The following CDH12 variants were observed in gnomAD, a reference collection of about 807,000 sequenced individuals.
CDH12 encodes cadherin-12.
CDH12 carries 41 observed loss-of-function variants against 74.1 expected under a neutral mutation model. The observed-to-expected ratio is 0.55, with a 90% CI of 0.43 to 0.72. The LOEUF (loss-of-function observed/expected upper bound fraction) is 0.72. Ranked by LOEUF, CDH12 falls within the 30% of genes least tolerant of loss-of-function variation. The pLI is 0.00. For missense variants in CDH12, 945 were observed against 977.2 expected (o/e 0.97, Z 0.44); for synonymous variants, 399 against 355.0 (o/e 1.12, Z -1.39).
intron 1 of CDH12, among the ~76,000 whole-genome samples, chr5:22,526,893 T>A (rs1737310936): frequency 6.6e-6 from 1 of 152,168 alleles, no homozygotes; most frequent in South Asian, 2.1e-4. Flanking sequence ...TGCCAGCTGC[T>A]GAGTATGTGT....
chr5:22,781,656 T>A (rs1747390089), intron 1 of CDH12, among the ~76,000 whole-genome samples: 1 of 152,174 alleles, frequency 6.6e-6, no homozygotes, highest in South Asian at 2.1e-4. Flanking sequence ...CCCTAATAGG[T>A]TCTGTACTCT....
At chr5:22,345,851 C>A (rs146419911) in intron 3 of CDH12, among the ~76,000 whole-genome samples, 46 of 152,250 alleles carry the variant, frequency 3.0e-4, no homozygotes, top group African/African-American at 1.1e-3. Flanking sequence ...TGCCTGTAAT[C>A]CCAGCACTTT....
Position 22,702,587 on chromosome 5 carries a change from G to T in CDH12, c.-523+150471C>A, listed in dbSNP as rs147048288. Among the ~76,000 whole-genome samples the T allele has an allele frequency of 3.9e-5, 6 of 151,938 alleles. No homozygotes were observed. The East Asian group carries it at 1.2e-3, about 30-fold the overall frequency. ...CTTTTTATGTAGCTGGTAAGGATGT[G>T]ATACCTTCTTATAGTTATGAATGGG... On this transcript the variant is annotated intron_variant, in intron 1 of 14. Transcript: ENST00000382254.
chr5:21,770,618 CAAA>C (rs33944200), intron 11 of CDH12, among the ~76,000 whole-genome samples: 1 of 84,008 alleles, frequency 1.2e-5, no homozygotes, highest in Admixed American at 1.4e-4. Flanking sequence ...AAGTCCATCT[CAAA>C]AAAAAAAAAA....
chr5:22,571,186 G>A (rs1341949831), intron 1 of CDH12, among the ~76,000 whole-genome samples: 3 of 152,070 alleles, frequency 2.0e-5, no homozygotes, highest in Admixed American at 2.0e-4. Flanking sequence ...ACCTCTGTGT[G>A]TTCACTGCAG....
At chr5:22,180,895 T>C (rs927445856) in intron 4 of CDH12, among the ~76,000 whole-genome samples, 3 of 152,152 alleles carry the variant, frequency 2.0e-5, no homozygotes, top group African/African-American at 4.8e-5. Context: ...CCTGCTTGTA[T>C]TGAGTCACAT....
At chr5:22,765,473 A>G (rs1431115801) in intron 1 of CDH12, among the ~76,000 whole-genome samples, 1 of 151,970 alleles carries the variant, frequency 6.6e-6, no homozygotes, top group Non-Finnish European at 1.5e-5. Context: ...TACAATCCAC[A>G]GATTTATAGA....
intron 3 of CDH12, among the ~76,000 whole-genome samples, chr5:22,325,776 C>T (rs1365379867): frequency 6.6e-6 from 1 of 151,980 alleles, no homozygotes; most frequent in Non-Finnish European, 1.5e-5. Context: ...GGCGTGGTAG[C>T]GGTCATCTGT....
intron 4 of CDH12, among the ~76,000 whole-genome samples, chr5:22,106,944 A>G (rs972715827): frequency 2.6e-5 from 4 of 152,180 alleles, no homozygotes; most frequent in African/African-American, 9.6e-5. Flanking sequence ...GCCTTCCAGC[A>G]TCACTCAGAT....
chr5:22,490,820 C>T (rs982823470), intron 2 of CDH12, among the ~76,000 whole-genome samples: 9 of 152,182 alleles, frequency 5.9e-5, no homozygotes, highest in Non-Finnish European at 1.2e-4. Context: ...TTTAATTGCA[C>T]AGCCTTACAG....
chr5:21,882,933 A>ATCCCCAGC, intron 6 of CDH12: 1 of 1,602,530 alleles, frequency 6.2e-7, no homozygotes, highest in Non-Finnish European at 8.5e-7. Flanking sequence ...TGGCACTACC[A>ATCCCCAGC]CTGCTACTGT....
chr5:22,495,928 C>A (rs1747090339), intron 2 of CDH12, among the ~76,000 whole-genome samples: 1 of 152,136 alleles, frequency 6.6e-6, no homozygotes, highest in Non-Finnish European at 1.5e-5. Context: ...ATGGAACTTA[C>A]TTTTTTACAA....
rs1364716275 is a variant in CDH12 at position 22,080,701 on chromosome 5, T to TA, written c.-186-1840dup. Among the ~76,000 whole-genome samples, 24 of 152,318 alleles carry TA rather than the reference T, an allele frequency of 1.6e-4. 2 individuals are homozygous for TA. Among genetic ancestry groups the TA allele is most frequent in the African/African-American group, 3.6e-4 (15 of 41,586 alleles). ...AAAAATAGGAAGGTATCTTTTTTTT[T>TA]ATCACTTGACATGATATTTTGGATA... On this transcript the variant is annotated intron_variant, in intron 4 of 14. Transcript: ENST00000382254.
chr5:22,669,495 C>A (rs1012200289), intron 1 of CDH12, among the ~76,000 whole-genome samples: 2 of 152,104 alleles, frequency 1.3e-5, no homozygotes, highest in Non-Finnish European at 2.9e-5. Context: ...CATATGCAAC[C>A]AAAAGGCTAC....
chr5:22,688,278 A>T (rs1427190262), intron 1 of CDH12, among the ~76,000 whole-genome samples: 2 of 152,250 alleles, frequency 1.3e-5, no homozygotes, highest in Non-Finnish European at 2.9e-5. Flanking sequence ...GGGATAATTT[A>T]GAATAAAATC....
intron 3 of CDH12, among the ~76,000 whole-genome samples, chr5:22,258,054 T>C (rs1561261360): frequency 6.6e-6 from 1 of 152,200 alleles, no homozygotes; most frequent in South Asian, 2.1e-4. Flanking sequence ...GTGTACAATA[T>C]TTATAAACAT....
chr5:21,901,878 GTA>G (rs148564180), intron 6 of CDH12, among the ~76,000 whole-genome samples: 5,203 of 151,566 alleles, frequency 0.034, 126 homozygotes, highest in Middle Eastern at 0.11. Context: ...TGCTCCAACT[GTA>G]TATAATTTGC....
chr5:22,793,086 C>T (rs565061448), intron 1 of CDH12, among the ~76,000 whole-genome samples: 2 of 152,040 alleles, frequency 1.3e-5, no homozygotes, highest in Admixed American at 6.6e-5. Context: ...ACTATATTTC[C>T]GTTCATGAAA....
At chr5:22,170,096 T>C (rs1013948694) in intron 4 of CDH12, among the ~76,000 whole-genome samples, 6 of 151,866 alleles carry the variant, frequency 4.0e-5, no homozygotes, top group African/African-American at 1.4e-4. Context: ...GGGTGAAATG[T>C]GTAGTTGAAT....
Sources: allele counts gnomAD v4.1 joint callset (sites outside exome capture counted in the v4.1 genomes callset), GRCh38; gene constraint gnomAD v4.1.1; transcripts MANE v1.5; gene names NCBI Gene and HGNC (gene_info 2026-07-23, HGNC 2026-07-21).